Variants in PCDHGC3 observed in about 807,000 individuals in gnomAD.
PCDHGC3 encodes protocadherin gamma-C3.
In PCDHGC3, 26 loss-of-function variants were observed where a neutral mutation model predicts 59.2. That is an observed-to-expected ratio of 0.44 (90% confidence interval 0.32 to 0.61). The LOEUF is 0.61. Ranked by LOEUF, PCDHGC3 falls within the 20% of genes least tolerant of loss-of-function variation. The probability of loss-of-function intolerance (pLI) is 0.05; values close to 1 mark genes in which losing one functional copy is unlikely to be tolerated. For missense variants in PCDHGC3, 1,080 were observed against 1,221.8 expected (o/e 0.88, Z 1.73); for synonymous variants, 487 against 519.7 (o/e 0.94, Z 0.86).
chr5:141,497,239 G>A (rs2099775226), intron 2 of PCDHGC3, among the ~76,000 whole-genome samples: 1 of 152,104 alleles, frequency 6.6e-6, no homozygotes, highest in Admixed American at 6.5e-5. Flanking sequence ...AAGGCTTCTA[G>A]GAGGAGGTGA....
chr5:141,477,656 C>A lies in PCDHGC3; in HGVS notation c.1540C>A (p.Arg514Ser). Reference protein sequence around the residue: ...GLVGRYFTINRDNGIVSSLVP... With the variant: ...GLVGRYFTINSDNGIVSSLVP... ...AGTGGGTCGCTATTTCACAATAAAT[C>A]GTGACAATGGCATAGTGTCATCCTT... Residue 514 changes from arginine to serine, a missense_variant, in exon 1 of 4, where the codon CGT (arginine) becomes AGT (serine). Physicochemically the swap from Arg to Ser is moderately radical, Grantham distance 110 (BLOSUM62 -1). Transcript: ENST00000308177. The surrounding 1 kb of genome is among the most constrained non-coding windows in gnomAD (Gnocchi z 4.9). 1 of 1,614,184 alleles carries A rather than the reference C, an allele frequency of 6.2e-7. No homozygotes were observed.
Position 141,485,768 on chromosome 5 carries a change from C to A in PCDHGC3, c.2430+7222C>A, listed in dbSNP as rs759191157. 3.7e-6 allele frequency: 6 copies of A among 1,614,192 alleles called. No individual in the cohort carries two copies. Among genetic ancestry groups the A allele is most frequent in the Middle Eastern group, 1.6e-4 (1 of 6,062 alleles). On this transcript the variant is annotated intron_variant, in intron 1 of 3. Coordinates refer to ENST00000308177, the MANE Select transcript of PCDHGC3 (RefSeq NM_002588.4). The surrounding 1 kb of genome is among the most constrained non-coding windows in gnomAD (Gnocchi z 5.7). ...GGTCCCAGAGCTGCTCCTGGAGAAG[C>A]CTTTGGATCGAGAGAAGCAATCGGA...
chr5:141,477,607 G>A lies in PCDHGC3; in HGVS notation c.1491G>A (p.Leu497=), dbSNP rs1223703956. ...PQNARLSFFL[L]EQGAETGLVG... ...ATGCTCGGCTTTCTTTCTTTCTCTT[G>A]GAGCAAGGAGCTGAAACCGGGCTAG... is the stretch of plus-strand genomic sequence containing the variant. Residue 497 remains leucine (L), a synonymous_variant, in exon 1 of 4, where the codon TTG becomes TTA. Coordinates refer to ENST00000308177, the MANE Select transcript of PCDHGC3 (RefSeq NM_002588.4). The surrounding 1 kb of genome is among the most constrained non-coding windows in gnomAD (Gnocchi z 4.9). 2 of 1,614,028 alleles carry A rather than the reference G, an allele frequency of 1.2e-6. No individual in the cohort carries two copies. The highest frequency in any genetic ancestry group is 3.3e-5 in the Admixed American group (2 of 60,000).
intron 1 of PCDHGC3, among the ~76,000 whole-genome samples, chr5:141,481,184 C>A (rs2099533291): frequency 6.6e-6 from 1 of 152,146 alleles, no homozygotes; most frequent in African/African-American, 2.4e-5. Flanking sequence ...CTTTATTGGG[C>A]CAGGCCCAAT....
At chr5:141,501,016 G>A (rs1042009106) in intron 2 of PCDHGC3, among the ~76,000 whole-genome samples, 7 of 151,716 alleles carry the variant, frequency 4.6e-5, no homozygotes, top group Non-Finnish European at 1.0e-4. Context: ...CTACAGGCAC[G>A]CGCCACCACG....
Position 141,491,507 on chromosome 5 carries a change from C to G in PCDHGC3, c.2431-3300C>G, listed in dbSNP as rs755899622. The stretch of plus-strand genomic sequence containing the variant: ...AACCTGCAGGTGAGCTCGGACGGCA[C>G]GCTCAAGTACATGGAGGTGACGCTG... On this transcript the variant is annotated intron_variant, in intron 1 of 3. Coordinates refer to ENST00000308177, the MANE Select transcript of PCDHGC3 (RefSeq NM_002588.4). This position sits in a 1 kb window ranked among gnomAD's most constrained non-coding sequence, Gnocchi z 6.9. 1.5e-5 allele frequency: 24 copies of G among 1,614,038 alleles called. No individual in the cohort carries two copies. The highest frequency in any genetic ancestry group is 2.0e-5 in the Non-Finnish European group (24 of 1,180,016).
chr5:141,509,684 C>G (rs572295300), intron 3 of PCDHGC3, among the ~76,000 whole-genome samples: 139 of 152,310 alleles, frequency 9.1e-4, no homozygotes, highest in Admixed American at 3.7e-3. Flanking sequence ...TTCTTCTGTA[C>G]AGTGGGACGT....
intron 3 of PCDHGC3, chr5:141,507,424 G>C (rs577364087): frequency 6.6e-6 from 1 of 152,202 alleles, no homozygotes; most frequent in African/African-American, 2.4e-5. Context: ...GGTTAAGTGG[G>C]GCCAGGCCTA....
At position 141,484,779 on chromosome 5, in the gene PCDHGC3, C is replaced by G. The variant is rs186158562; in HGVS notation, c.2430+6233C>G. On this transcript the variant is annotated intron_variant, in intron 1 of 3. Transcript: ENST00000308177. ...ATATATATATATGTTGTCTGCCTCCCCACAGAGATAACAACCCGTGGAAAA... is the reference window on the plus strand; with the variant it reads ...ATATATATATATGTTGTCTGCCTCCGCACAGAGATAACAACCCGTGGAAAA... Among the ~76,000 whole-genome samples, 137 of 152,130 alleles carry G rather than the reference C, an allele frequency of 9.0e-4. 1 individual carries two copies. Among genetic ancestry groups the G allele is most frequent in the Non-Finnish European group, 1.6e-3 (110 of 67,996 alleles).
At position 141,487,636 on chromosome 5, in the gene PCDHGC3, A is replaced by G. The variant is rs780468230; in HGVS notation, c.2431-7171A>G. 3 of 1,614,192 alleles carry G rather than the reference A, an allele frequency of 1.9e-6. No homozygotes were observed. Among genetic ancestry groups the G allele is most frequent in the Non-Finnish European group, 1.7e-6 (2 of 1,180,030 alleles). Reference sequence around the variant, plus strand: ...TAGAGGTGAGACCTTTGCAGGCTCAACAAATGCTTGAGGGTTATTCTGATC... The same window carrying G: ...TAGAGGTGAGACCTTTGCAGGCTCAGCAAATGCTTGAGGGTTATTCTGATC... On this transcript the variant is annotated intron_variant, in intron 1 of 3. Transcript: ENST00000308177. This position sits in a 1 kb window ranked among gnomAD's most constrained non-coding sequence, Gnocchi z 5.0.
In PCDHGC3 at chr5:141,486,702, T is replaced by C; in HGVS notation, c.2431-8105T>C. On this transcript the variant is annotated intron_variant, in intron 1 of 3. Coordinates refer to ENST00000308177, the MANE Select transcript of PCDHGC3 (RefSeq NM_002588.4). The surrounding 1 kb of genome is among the most constrained non-coding windows in gnomAD (Gnocchi z 5.0). ...GTATCAGCTTCCTCTTTCATCTCTC[T>C]GAACCCCCAGACAGGAGCTGTTCAT... is the stretch of plus-strand genomic sequence containing the variant. 3 of 1,614,218 alleles carry C rather than the reference T, an allele frequency of 1.9e-6. No homozygotes were observed. Among genetic ancestry groups the C allele is most frequent in the Non-Finnish European group, 2.5e-6 (3 of 1,180,040 alleles).
rs377060474 is a variant in PCDHGC3, at chr5:141,487,810, C to A, written c.2431-6997C>A. The A allele has an allele frequency of 7.4e-4, 1,055 of 1,417,844 alleles. 13 individuals carry two copies. In the South Asian group the frequency reaches 0.013, roughly 17 times the overall value. The allele number at this position is 1,417,844 out of a possible 1,614,324, so 87.8% of individuals were successfully genotyped here. A position where few individuals can be genotyped will look rare whatever the true frequency, so the allele number is the denominator to read the frequency against. ...ATTAACCAGAGTTGTCACAGTTTAG[C>A]ATTGGGGGCGGGTCATGCCTATATC... On this transcript the variant is annotated intron_variant, in intron 1 of 3. Transcript: ENST00000308177. The surrounding 1 kb of genome is among the most constrained non-coding windows in gnomAD (Gnocchi z 5.0).
chr5:141,492,320 G>T (rs1001784912), intron 1 of PCDHGC3, among the ~76,000 whole-genome samples: 1 of 152,206 alleles, frequency 6.6e-6, no homozygotes, highest in Non-Finnish European at 1.5e-5. Context: ...CTCCTCGCAC[G>T]TGGGCTTACG....
At chr5:141,483,988 G>A (rs78891657) in intron 1 of PCDHGC3, among the ~76,000 whole-genome samples, 1,520 of 149,036 alleles carry the variant, frequency 0.01, 30 homozygotes, top group African/African-American at 0.037. Flanking sequence ...TAGCTAGGTT[G>A]CTGGGAGGTC....
intron 1 of PCDHGC3, among the ~76,000 whole-genome samples, chr5:141,481,193 A>G (rs749746998): frequency 1.3e-5 from 2 of 152,216 alleles, no homozygotes; most frequent in Admixed American, 6.5e-5. Context: ...GCCAGGCCCA[A>G]TTTTTTTAAA....
At chr5:141,478,617 G>T in intron 1 of PCDHGC3, 71 bp downstream of exon 1, 1 of 1,556,398 alleles carries the variant, frequency 6.4e-7, no homozygotes, top group South Asian at 1.2e-5. Context: ...AGGAAGGAAT[G>T]GAGCTGTTTT....
At chr5:141,479,590 A>T (rs2099500448) in intron 1 of PCDHGC3, 1 of 152,182 alleles carries the variant, frequency 6.6e-6, no homozygotes, top group Non-Finnish European at 1.5e-5. Context: ...TAGCCACTGC[A>T]CTCCAGCCTA....
chr5:141,489,983 G>T lies in PCDHGC3; in HGVS notation c.2431-4824G>T. ...CCAACCTTCCAATCCTCAGTTCTACGTGTGGGAATCCCAGAGAATGCACCC... is the reference window on the plus strand; with the variant it reads ...CCAACCTTCCAATCCTCAGTTCTACTTGTGGGAATCCCAGAGAATGCACCC... On this transcript the variant is annotated intron_variant, in intron 1 of 3. Coordinates refer to ENST00000308177, the MANE Select transcript of PCDHGC3 (RefSeq NM_002588.4). The surrounding 1 kb of genome is among the most constrained non-coding windows in gnomAD (Gnocchi z 4.5). The T allele has an allele frequency of 6.2e-7, 1 of 1,614,172 alleles. No homozygotes were observed. Among genetic ancestry groups the T allele is most frequent in the Non-Finnish European group, 8.5e-7 (1 of 1,179,996 alleles).
intron 3 of PCDHGC3, among the ~76,000 whole-genome samples, chr5:141,509,801 T>C (rs556629445): frequency 2.6e-5 from 4 of 152,140 alleles, no homozygotes; most frequent in South Asian, 2.1e-4. Flanking sequence ...CTCAGCTTCA[T>C]AGAGCCGAGC....
Sources: allele counts gnomAD v4.1 joint callset (sites outside exome capture counted in the v4.1 genomes callset), GRCh38; gene constraint gnomAD v4.1.1; non-coding constraint Gnocchi (gnomAD v3.1); transcripts MANE v1.5; gene names NCBI Gene and HGNC (gene_info 2026-07-23, HGNC 2026-07-21).